PDE10A: variants seen among roughly 807,000 people sequenced by gnomAD.
PDE10A encodes cAMP and cAMP-inhibited cGMP 3',5'-cyclic phosphodiesterase 10A.
A neutral mutation model predicts 97.7 loss-of-function variants in PDE10A; 39 were observed. The ratio of observed to expected loss-of-function variants is 0.40; its 90% CI spans 0.31 to 0.52. PDE10A has a LOEUF of 0.52. Among genes scored for constraint, PDE10A ranks in the 20% least tolerant of loss-of-function variants. The probability of loss-of-function intolerance (pLI) is 0.56; values close to 1 mark genes in which losing one functional copy is unlikely to be tolerated. For synonymous variants in PDE10A, 371 were observed against 376.8 expected (o/e 0.98, Z 0.18); for missense variants, 731 against 1,047.8 (o/e 0.70, Z 4.17).
intron 1 of PDE10A, among the ~76,000 whole-genome samples, chr6:165,746,917 A>G (rs1792856463): frequency 6.6e-6 from 1 of 152,232 alleles, no homozygotes; most frequent in Admixed American, 6.5e-5. Flanking sequence ...TGGGATATTA[A>G]TATATCACTG....
At chr6:165,690,646 G>T (rs1791247009) in intron 1 of PDE10A, among the ~76,000 whole-genome samples, 1 of 152,180 alleles carries the variant, frequency 6.6e-6, no homozygotes, top group South Asian at 2.1e-4. Flanking sequence ...CACACCTGCA[G>T]ACTCCCCAGT....
chr6:165,728,370 T>A (rs565604823), intron 1 of PDE10A, among the ~76,000 whole-genome samples: 1 of 152,308 alleles, frequency 6.6e-6, no homozygotes, highest in Admixed American at 6.5e-5. Context: ...TCAATTCTCC[T>A]CTCCCTTCAG....
At chr6:165,963,224 A>C (rs2128498857) in intron 1 of PDE10A, among the ~76,000 whole-genome samples, 1 of 152,354 alleles carries the variant, frequency 6.6e-6, no homozygotes, top group African/African-American at 2.4e-5. Flanking sequence ...AGAGAAGAGC[A>C]AATATGTTCT....
intron 1 of PDE10A, among the ~76,000 whole-genome samples, chr6:165,851,650 T>C (rs899564416): frequency 1.1e-4 from 17 of 152,074 alleles, no homozygotes; most frequent in African/African-American, 4.1e-4. Flanking sequence ...GGAAGTGAGA[T>C]TTGAGTTAGT....
chr6:165,822,799 A>G (rs1779611046), intron 1 of PDE10A, among the ~76,000 whole-genome samples: 1 of 152,152 alleles, frequency 6.6e-6, no homozygotes, highest in African/African-American at 2.4e-5. Context: ...TTCTTCAATA[A>G]GAAAAGCTAA....
intron 4 of PDE10A, among the ~76,000 whole-genome samples, chr6:165,449,749 A>G (rs1249224727): frequency 6.6e-6 from 1 of 152,212 alleles, no homozygotes; most frequent in African/African-American, 2.4e-5. Flanking sequence ...AACAAAAGAT[A>G]CAATTGTCAT....
At chr6:165,607,988 A>G (rs1424708880) in intron 1 of PDE10A, among the ~76,000 whole-genome samples, 1 of 151,702 alleles carries the variant, frequency 6.6e-6, no homozygotes, top group Non-Finnish European at 1.5e-5. Context: ...TGATGCCACA[A>G]TGTCTCTCCC....
At chr6:165,426,214 A>G (rs1483346500) in intron 10 of PDE10A, among the ~76,000 whole-genome samples, 1 of 152,124 alleles carries the variant, frequency 6.6e-6, no homozygotes, top group Admixed American at 6.5e-5. Context: ...ATTTAAATGT[A>G]TTTGTTAGGT....
At chr6:165,663,258 C>G, upstream of PDE10A, among the ~76,000 whole-genome samples, 1 of 148,064 alleles carries the variant, frequency 6.8e-6, no homozygotes, top group South Asian at 2.2e-4. Context: ...GCAGGCGCTC[C>G]CCACGCCGCC....
rs148836280 is a variant in PDE10A at position 165,963,493 on chromosome 6, A to C, written c.-615+24036T>G. ...ACCTTCTAGCCATGTGGCCTGCTACAGTTGTTTAACATCTTTGGATCATAA... is the reference window on the plus strand; with the variant it reads ...ACCTTCTAGCCATGTGGCCTGCTACCGTTGTTTAACATCTTTGGATCATAA... On this transcript the variant is annotated intron_variant, in intron 1 of 19. Transcript: ENST00000366882. Among the ~76,000 whole-genome samples, 555 of 152,360 alleles carry C rather than the reference A, an allele frequency of 3.6e-3. 2 individuals are homozygous for C. The highest frequency in any genetic ancestry group is 0.013 in the African/African-American group (520 of 41,588).
chr6:165,521,809 T>C (rs370927073), intron 2 of PDE10A, among the ~76,000 whole-genome samples: 12 of 152,186 alleles, frequency 7.9e-5, no homozygotes, highest in East Asian at 3.9e-4. Context: ...AGAGCTGATA[T>C]AGAAGCTGCA....
intron 1 of PDE10A, among the ~76,000 whole-genome samples, chr6:165,983,237 G>A (rs1472443195): frequency 6.6e-6 from 1 of 152,192 alleles, no homozygotes; most frequent in East Asian, 1.9e-4. Context: ...CCATCTGAGT[G>A]TGTACACAAT....
intron 1 of PDE10A, among the ~76,000 whole-genome samples, chr6:165,550,719 A>G (rs1001232768): frequency 6.6e-6 from 1 of 152,238 alleles, no homozygotes; most frequent in Non-Finnish European, 1.5e-5. Context: ...TAATTGAGGA[A>G]GTCAGATAAC....
At chr6:165,544,443 C>T (rs1783630565) in intron 1 of PDE10A, among the ~76,000 whole-genome samples, 1 of 152,034 alleles carries the variant, frequency 6.6e-6, no homozygotes, top group African/African-American at 2.4e-5. Context: ...TGTTGGTATG[C>T]CATTTCATTA....
intron 1 of PDE10A, among the ~76,000 whole-genome samples, chr6:165,879,845 GA>G (rs1490523522): frequency 1.3e-5 from 2 of 150,450 alleles, no homozygotes; most frequent in Admixed American, 6.7e-5. Context: ...GAGTGGATGT[GA>G]AAATCACTGA....
chr6:165,601,574 C>T (rs1323100605), intron 1 of PDE10A, among the ~76,000 whole-genome samples: 1 of 152,162 alleles, frequency 6.6e-6, no homozygotes, highest in Admixed American at 6.5e-5. Context: ...AAATTCCTTT[C>T]ACAAGAGTAA....
intron 17 of PDE10A, among the ~76,000 whole-genome samples, chr6:165,384,693 A>G (rs1379591153): frequency 6.9e-6 from 1 of 144,230 alleles, no homozygotes; most frequent in Non-Finnish European, 1.5e-5. Context: ...ACTAAAGGTT[A>G]GCTTTTCAAG....
Position 165,852,040 on chromosome 6 carries a change from CTGCT to C in PDE10A, c.-615+135485_-615+135488del, listed in dbSNP as rs1235711795. Among the ~76,000 whole-genome samples, 8 of 152,354 alleles carry C rather than the reference CTGCT, an allele frequency of 5.3e-5. No homozygotes were observed. The East Asian group carries it at 1.3e-3, about 26-fold the overall frequency. On this transcript the variant is annotated intron_variant, in intron 1 of 19. Coordinates refer to the PDE10A transcript ENST00000366882. ...CAATATTTCCCCAAGAATCCACATTCTGCTTAATAACAGCTGGTGCATAATCCAA... is the reference window on the plus strand; with the variant it reads ...CAATATTTCCCCAAGAATCCACATTCTAATAACAGCTGGTGCATAATCCAA...
chr6:165,984,258 A>G (rs1785112774), intron 1 of PDE10A, among the ~76,000 whole-genome samples: 1 of 152,244 alleles, frequency 6.6e-6, no homozygotes, highest in African/African-American at 2.4e-5. Flanking sequence ...GACTTGCAAA[A>G]TATCCTCTGT....
Sources: allele counts gnomAD v4.1 joint callset (sites outside exome capture counted in the v4.1 genomes callset), GRCh38; gene constraint gnomAD v4.1.1; transcripts MANE v1.5; gene names NCBI Gene and HGNC (gene_info 2026-07-23, HGNC 2026-07-21).